The following INPP4B variants were observed in gnomAD, a reference collection of about 807,000 sequenced individuals.
INPP4B encodes inositol polyphosphate 4-phosphatase type II.
In INPP4B, 55 loss-of-function variants were observed where a neutral mutation model predicts 122.5. The observed-to-expected ratio is 0.45, with a 90% CI of 0.36 to 0.56. INPP4B has a LOEUF of 0.56. INPP4B is among the 20% of genes least tolerant of loss of function. The probability of loss-of-function intolerance (pLI) is 0.00; values close to 1 mark genes in which losing one functional copy is unlikely to be tolerated. For synonymous variants in INPP4B, 403 were observed against 388.7 expected (o/e 1.04, Z -0.43); for missense variants, 1,000 against 1,097.7 (o/e 0.91, Z 1.26).
intron 2 of INPP4B, among the ~76,000 whole-genome samples, chr4:142,577,902 G>T (rs949843622): frequency 5.3e-5 from 8 of 151,914 alleles, no homozygotes; most frequent in Non-Finnish European, 7.4e-5. Flanking sequence ...ACTAGCAAAA[G>T]AGATGCCAGC....
At chr4:142,181,048 C>T (rs533048582) in intron 15 of INPP4B, among the ~76,000 whole-genome samples, 22 of 152,234 alleles carry the variant, frequency 1.4e-4, no homozygotes, top group East Asian at 5.8e-4. Context: ...GCCCACTAAA[C>T]GCTACATGAA....
intron 1 of INPP4B, among the ~76,000 whole-genome samples, chr4:142,817,321 T>C (rs936802367): frequency 5.3e-5 from 8 of 152,150 alleles, no homozygotes; most frequent in African/African-American, 1.7e-4. Context: ...ATACTAAAGA[T>C]GTGTGAAATA....
intron 2 of INPP4B, among the ~76,000 whole-genome samples, chr4:142,576,254 T>C (rs1188358756): frequency 6.6e-6 from 1 of 151,918 alleles, no homozygotes; most frequent in Non-Finnish European, 1.5e-5. Context: ...GTTCCAGAAT[T>C]GTAAAGGGCA....
At chr4:142,451,497 T>G (rs185597425) in intron 3 of INPP4B, among the ~76,000 whole-genome samples, 260 of 152,226 alleles carry the variant, frequency 1.7e-3, no homozygotes, top group Middle Eastern at 6.8e-3. Context: ...GTGATCTGCC[T>G]GCCTCAGCCT....
intron 1 of INPP4B, among the ~76,000 whole-genome samples, chr4:142,816,179 G>A (rs576440802): frequency 5.9e-5 from 9 of 152,034 alleles, no homozygotes; most frequent in African/African-American, 1.2e-4. Context: ...GAGCCTTTAG[G>A]AATAGATATC....
At chr4:142,086,794 A>G (rs2152549416) in intron 23 of INPP4B, among the ~76,000 whole-genome samples, 1 of 152,332 alleles carries the variant, frequency 6.6e-6, no homozygotes, top group African/African-American at 2.4e-5. Context: ...TAACTATGGT[A>G]ATATCAAGTG....
At chr4:142,260,423 G>A (rs1165261057) in intron 11 of INPP4B, 69 bp downstream of exon 11, 11 of 937,642 alleles carry the variant, frequency 1.2e-5, no homozygotes, top group Non-Finnish European at 1.9e-5. Context: ...TGCTGGTTCA[G>A]TGTTGATTTT....
chr4:142,466,577 AG>A (rs1817828774), intron 2 of INPP4B, among the ~76,000 whole-genome samples: 1 of 152,378 alleles, frequency 6.6e-6, no homozygotes, highest in South Asian at 2.1e-4. Flanking sequence ...ACCATGTGGC[AG>A]AGGGGAAGAA....
intron 1 of INPP4B, among the ~76,000 whole-genome samples, chr4:142,734,472 G>A (rs949513921): frequency 6.6e-6 from 1 of 152,160 alleles, no homozygotes. Flanking sequence ...TGCACCAAAT[G>A]TTGTTTCTTG....
intron 7 of INPP4B, among the ~76,000 whole-genome samples, chr4:142,341,876 G>C (rs1388050959): frequency 6.6e-6 from 1 of 152,042 alleles, no homozygotes; most frequent in Non-Finnish European, 1.5e-5. Flanking sequence ...AAAAAGAGCT[G>C]AATCTTGCCA....
chr4:142,443,885 A>G (rs1300916256), intron 3 of INPP4B, among the ~76,000 whole-genome samples: 1 of 152,178 alleles, frequency 6.6e-6, no homozygotes, highest in Non-Finnish European at 1.5e-5. Flanking sequence ...AAAGTGGGGC[A>G]GAAGAGGAGA....
At chr4:142,203,131 G>A (rs1841378468) in intron 14 of INPP4B, among the ~76,000 whole-genome samples, 1 of 152,106 alleles carries the variant, frequency 6.6e-6, no homozygotes, top group Non-Finnish European at 1.5e-5. Context: ...TGCACATGCT[G>A]TGTCAGGCAC....
At chr4:142,321,442 A>G (rs1314117207) in intron 7 of INPP4B, among the ~76,000 whole-genome samples, 1 of 151,990 alleles carries the variant, frequency 6.6e-6, no homozygotes, top group Non-Finnish European at 1.5e-5. Context: ...ATTAAATCCC[A>G]TCTATTTCTC....
rs1282188170 is a variant in INPP4B at position 142,277,593 on chromosome 4, G to GCACAATT, written c.504-6826_504-6820dup. 1.5e-4 allele frequency among the ~76,000 whole-genome samples: 23 copies of GCACAATT among 151,570 alleles called. 1 individual carries two copies. Among genetic ancestry groups the GCACAATT allele is most frequent in the Non-Finnish European group, 2.2e-4 (15 of 67,816 alleles). On this transcript the variant is annotated intron_variant, in intron 9 of 25. Transcript: ENST00000262992. ...TACTTGCACGTGCATGTTTATAGCA[G>GCACAATT]CACAATTCACAATCACAAAAATATG...
At chr4:142,301,421 T>G (rs1022848633) in intron 9 of INPP4B, among the ~76,000 whole-genome samples, 2 of 152,132 alleles carry the variant, frequency 1.3e-5, no homozygotes. Flanking sequence ...GATCTTGAGC[T>G]TCCTACTAGG....
chr4:142,592,243 G>A (rs1172889889), intron 2 of INPP4B, among the ~76,000 whole-genome samples: 1 of 152,154 alleles, frequency 6.6e-6, no homozygotes, highest in African/African-American at 2.4e-5. Context: ...GAATGTAGGT[G>A]TGTAAACCAA....
chr4:142,745,822 A>G (rs1245745209), intron 1 of INPP4B, among the ~76,000 whole-genome samples: 1 of 151,956 alleles, frequency 6.6e-6, no homozygotes, highest in African/African-American at 2.4e-5. Flanking sequence ...AATCTATTTC[A>G]AGAAACAAAA....
At chr4:142,545,756 C>CATATAT (rs1829525771) in intron 2 of INPP4B, among the ~76,000 whole-genome samples, 1 of 74,752 alleles carries the variant, frequency 1.3e-5, no homozygotes, top group African/African-American at 3.9e-5. Flanking sequence ...TATATATACA[C>CATATAT]ATGTATATGT....
At chr4:142,679,468 A>G (rs1758279921) in intron 2 of INPP4B, among the ~76,000 whole-genome samples, 1 of 151,906 alleles carries the variant, frequency 6.6e-6, no homozygotes, top group Non-Finnish European at 1.5e-5. Flanking sequence ...AATTTATGGC[A>G]CTAGAGTTTT....
Sources: gnomAD v4.1 joint callset for allele counts (sites outside exome capture counted in the v4.1 genomes callset) on GRCh38, gnomAD v4.1.1 for gene constraint, MANE v1.5 for transcripts, NCBI Gene and HGNC (gene_info 2026-07-23, HGNC 2026-07-21) for gene names.